SPON1: variants seen among roughly 807,000 people sequenced by gnomAD.
SPON1 encodes spondin 1.
Under a neutral mutation model 111.7 loss-of-function variants are expected in SPON1, and 52 were observed. The observed-to-expected ratio is 0.47, with a 90% CI of 0.37 to 0.59. The LOEUF is 0.59. SPON1 is among the 20% of genes least tolerant of loss of function. The pLI is 0.00. For synonymous variants in SPON1, 410 were observed against 395.8 expected (o/e 1.04, Z -0.43); for missense variants, 957 against 1,068.5 (o/e 0.90, Z 1.46).
At chr11:14,263,722 T>C (rs1448913391) in intron 15 of SPON1, among the ~76,000 whole-genome samples, 1 of 152,028 alleles carries the variant, frequency 6.6e-6, no homozygotes, top group African/African-American at 2.4e-5. Flanking sequence ...CTAGAGGAGT[T>C]TGCCACTTAG....
At chr11:14,087,059 C>T (rs1849012382) in intron 5 of SPON1, among the ~76,000 whole-genome samples, 2 of 152,042 alleles carry the variant, frequency 1.3e-5, no homozygotes, top group African/African-American at 4.8e-5. Flanking sequence ...GTCTGGCTAG[C>T]AGTCTATCTA....
At chr11:13,992,771 G>T (rs1212989368) in intron 2 of SPON1, among the ~76,000 whole-genome samples, 1 of 152,032 alleles carries the variant, frequency 6.6e-6, no homozygotes, top group Admixed American at 6.5e-5. Context: ...GAGTTCCTCA[G>T]GCTCAGTCCC....
At chr11:14,086,496 C>T (rs540560658) in intron 5 of SPON1, among the ~76,000 whole-genome samples, 9 of 152,178 alleles carry the variant, frequency 5.9e-5, no homozygotes, top group African/African-American at 9.6e-5. Flanking sequence ...GGTATGAAGC[C>T]GACTTGATCA....
intron 6 of SPON1, among the ~76,000 whole-genome samples, chr11:14,193,142 A>G (rs1554934747): frequency 6.6e-6 from 1 of 152,250 alleles, no homozygotes; most frequent in Non-Finnish European, 1.5e-5. Flanking sequence ...AGTTGAGATC[A>G]GGCACTGGAA....
At chr11:14,157,305 G>T (rs1286336834) in intron 6 of SPON1, among the ~76,000 whole-genome samples, 6 of 152,078 alleles carry the variant, frequency 3.9e-5, no homozygotes, top group African/African-American at 1.4e-4. Flanking sequence ...TTTTTGAAGA[G>T]TATTTTTAAA....
intron 2 of SPON1, among the ~76,000 whole-genome samples, chr11:14,014,206 A>G (rs1554914048): frequency 1.3e-5 from 2 of 152,070 alleles, no homozygotes; most frequent in African/African-American, 4.8e-5. Context: ...CTGGTGCCTT[A>G]TGTCTGTGCT....
In SPON1 at chr11:14,150,105, T is replaced by C. The variant is rs558839375; in HGVS notation, c.825+14537T>C. On this transcript the variant is annotated intron_variant, in intron 6 of 15. Transcript: ENST00000576479. Reference sequence around the variant, plus strand: ...CAACAAATCAATGAATAAAGAAAAATTGGTGTATATACACAATAGAATACT... The same window carrying C: ...CAACAAATCAATGAATAAAGAAAAACTGGTGTATATACACAATAGAATACT... 2.0e-5 allele frequency among the ~76,000 whole-genome samples: 3 copies of C among 152,156 alleles called. No homozygotes were observed. In the East Asian group the frequency reaches 5.8e-4, roughly 29 times the overall value.
intron 15 of SPON1, among the ~76,000 whole-genome samples, chr11:14,263,801 G>C (rs1283769389): frequency 6.6e-6 from 1 of 152,094 alleles, no homozygotes; most frequent in Non-Finnish European, 1.5e-5. Flanking sequence ...GGCCAAGGCA[G>C]GCCAATCACT....
intron 2 of SPON1, among the ~76,000 whole-genome samples, chr11:13,998,061 T>C (rs1848287302): frequency 6.6e-6 from 1 of 152,184 alleles, no homozygotes; most frequent in Admixed American, 6.5e-5. Context: ...GCTGAACACA[T>C]AATCAAAGCT....
At chr11:14,059,600 A>G (rs184106951) in intron 3 of SPON1, among the ~76,000 whole-genome samples, 18 of 152,282 alleles carry the variant, frequency 1.2e-4, no homozygotes, top group Admixed American at 8.5e-4. Flanking sequence ...ATGAATATTC[A>G]TCTGAGAACC....
At chr11:14,209,985 T>C (rs931691936) in intron 6 of SPON1, among the ~76,000 whole-genome samples, 9 of 152,252 alleles carry the variant, frequency 5.9e-5, no homozygotes, top group African/African-American at 2.2e-4. Context: ...TCATTGTGGT[T>C]TTGATTTGCA....
intron 6 of SPON1, among the ~76,000 whole-genome samples, chr11:14,183,028 T>A (rs1554933817): frequency 6.6e-6 from 1 of 152,200 alleles, no homozygotes; most frequent in African/African-American, 2.4e-5. Flanking sequence ...ATTTATCAAA[T>A]TGCAAAATCT....
rs951464517 is a variant in SPON1, at chr11:14,263,439, C to T, written c.2260+464C>T. Among the ~76,000 whole-genome samples the T allele has an allele frequency of 2.7e-4, 41 of 152,144 alleles. 1 individual carries two copies. The highest frequency in any genetic ancestry group is 2.0e-3 in the Admixed American group (30 of 15,280). ...GAATGTTCCTGAGAACCTCCCAGAA[C>T]ACATCATCTTCCATTTTAAGGGTGT... On this transcript the variant is annotated intron_variant, in intron 15 of 15. Coordinates refer to ENST00000576479, the MANE Select transcript of SPON1 (RefSeq NM_006108.4).
intron 6 of SPON1, among the ~76,000 whole-genome samples, chr11:14,209,444 A>T (rs557158143): frequency 1.3e-5 from 2 of 151,976 alleles, no homozygotes; most frequent in South Asian, 2.1e-4. Context: ...CCGGTGTGTG[A>T]TGCTCCCCTC....
intron 5 of SPON1, among the ~76,000 whole-genome samples, chr11:14,109,161 C>T (rs1554925192): frequency 2.0e-5 from 3 of 152,124 alleles, no homozygotes; most frequent in Admixed American, 2.0e-4. Flanking sequence ...TGTGCCCTTC[C>T]AGCTATCTAT....
At chr11:14,182,053 GTA>G (rs1208900471) in intron 6 of SPON1, among the ~76,000 whole-genome samples, 1 of 152,182 alleles carries the variant, frequency 6.6e-6, no homozygotes, top group Non-Finnish European at 1.5e-5. Flanking sequence ...AAAAAAATTG[GTA>G]ACTTGTAATT....
At chr11:14,184,533 C>T (rs1193015865) in intron 6 of SPON1, among the ~76,000 whole-genome samples, 1 of 152,160 alleles carries the variant, frequency 6.6e-6, no homozygotes, top group Non-Finnish European at 1.5e-5. Flanking sequence ...GAGGGCCAGC[C>T]TGGTAGAGAA....
intron 2 of SPON1, among the ~76,000 whole-genome samples, chr11:14,018,470 G>A (rs371493802): frequency 4.6e-5 from 7 of 152,200 alleles, no homozygotes; most frequent in East Asian, 1.9e-4. Context: ...AGAGACCAAC[G>A]GAGGGGCAGG....
chr11:14,029,345 GATA>G (rs374874058), intron 2 of SPON1, among the ~76,000 whole-genome samples: 5 of 152,226 alleles, frequency 3.3e-5, no homozygotes, highest in East Asian at 1.9e-4. Context: ...ACACGAGAAT[GATA>G]ATAATAATAT....
Sources: allele counts gnomAD v4.1 joint callset (sites outside exome capture counted in the v4.1 genomes callset), GRCh38; gene constraint gnomAD v4.1.1; transcripts MANE v1.5; gene names NCBI Gene and HGNC (gene_info 2026-07-23, HGNC 2026-07-21).